Variants in CD69 observed in about 807,000 individuals in gnomAD.
The protein encoded by CD69 is early activation antigen CD69.
CD69 carries 10 observed loss-of-function variants against 21.4 expected under a neutral mutation model. The ratio of observed to expected loss-of-function variants is 0.47; its 90% CI spans 0.29 to 0.79. CD69 has a LOEUF of 0.79. Among genes scored for constraint, CD69 ranks in the 30% least tolerant of loss-of-function variants. CD69 has a pLI of 0.09. For missense variants in CD69, 204 were observed against 236.9 expected, an observed-to-expected ratio of 0.86 and a Z score of 0.91; for synonymous variants, 63 against 78.2, an observed-to-expected ratio of 0.81 and a Z score of 1.03.
chr12:9,753,355 AAGAC>A lies in CD69; in HGVS notation c.*122_*125del. 3.2e-6 allele frequency: 1 copy of A among 315,106 alleles called. No individual in the cohort carries two copies. Among genetic ancestry groups the A allele is most frequent in the Non-Finnish European group, 6.1e-6 (1 of 164,340 alleles). 19.5% of individuals were successfully genotyped at this position (315,106 alleles called of 1,614,324 possible). ...TAGTTCTGTTTGGAAGAAAATTCCCAAGACACTATAAAATTTTTTTTCACAAAGT... is the reference window on the plus strand; with the variant it reads ...TAGTTCTGTTTGGAAGAAAATTCCCAACTATAAAATTTTTTTTCACAAAGT... On this transcript the variant is annotated 3_prime_UTR_variant, in exon 5 of 5. Coordinates refer to ENST00000228434, the MANE Select transcript of CD69 (RefSeq NM_001781.2).
chr12:9,758,961 G>C (rs574555328), intron 1 of CD69, among the ~76,000 whole-genome samples: 10 of 151,494 alleles, frequency 6.6e-5, no homozygotes, highest in African/African-American at 1.9e-4. Context: ...ACGGAGTCTC[G>C]CTCTGTCGTC....
intron 1 of CD69, among the ~76,000 whole-genome samples, chr12:9,759,832 A>G (rs189563927): frequency 4.1e-4 from 62 of 152,342 alleles, no homozygotes; most frequent in Middle Eastern, 3.4e-3. Context: ...AGGGATAAAT[A>G]GAAAAACTCA....
intron 2 of CD69, chr12:9,756,022 C>A: frequency 5.2e-6 from 1 of 193,064 alleles, no homozygotes; most frequent in Non-Finnish European, 1.0e-5. Context: ...CAGCTCCCTT[C>A]ATTCTAGATG....
rs755407345 is a variant in CD69 at position 9,752,843 on chromosome 12, A to T, written c.*638T>A. 6.5e-6 allele frequency: 1 copy of T among 152,744 alleles called. No individual in the cohort carries two copies. Among genetic ancestry groups the T allele is most frequent in the African/African-American group, 2.4e-5 (1 of 41,572 alleles). The allele number at this position is 152,744 out of a possible 1,614,324, so 9.5% of individuals were successfully genotyped here. ...AAAGAAATATGTACCATCGAAAAGG[A>T]CCTGTCTACAGCTGAGGAAGTAAAA... On this transcript the variant is annotated 3_prime_UTR_variant, in exon 5 of 5. Coordinates refer to ENST00000228434, the MANE Select transcript of CD69 (RefSeq NM_001781.2).
chr12:9,758,509 G>A (rs1866700403), intron 1 of CD69, among the ~76,000 whole-genome samples: 1 of 151,982 alleles, frequency 6.6e-6, no homozygotes, highest in South Asian at 2.1e-4. Context: ...TTTTTTCACA[G>A]TAATTTACTG....
At chr12:9,758,927 T>C (rs541928981) in intron 1 of CD69, among the ~76,000 whole-genome samples, 1 of 152,282 alleles carries the variant, frequency 6.6e-6, no homozygotes, top group South Asian at 2.1e-4. Flanking sequence ...TGAGGGCTAC[T>C]GTTTTATTTA....
intron 3 of CD69, 93 bp downstream of exon 3, chr12:9,754,969 G>T: frequency 9.4e-7 from 1 of 1,066,640 alleles, no homozygotes; most frequent in Non-Finnish European, 1.4e-6. Context: ...ATGTTTGTTT[G>T]TTTGTTTGTT....
chr12:9,755,460 T>C (rs894578686), intron 2 of CD69, among the ~76,000 whole-genome samples, 199 bp from the exon 3 acceptor site: 3 of 152,200 alleles, frequency 2.0e-5, no homozygotes, highest in African/African-American at 7.2e-5. Flanking sequence ...CTAATCATCA[T>C]TGGATGGAGA....
Position 9,760,375 on chromosome 12 carries a change from T to A in CD69, c.64+382A>T, listed in dbSNP as rs74062738. 6.5e-3 allele frequency among the ~76,000 whole-genome samples: 990 copies of A among 152,130 alleles called. 12 individuals carry two copies. The highest frequency in any genetic ancestry group is 0.022 in the African/African-American group (930 of 41,508). On this transcript the variant is annotated intron_variant, in intron 1 of 4. Coordinates refer to ENST00000228434, the MANE Select transcript of CD69 (RefSeq NM_001781.2). ...AATGTACAGATGGATATGAAAAAAA[T>A]GATGGAGAATAACTGGGCTAGAGCA...
rs769310469 is a variant in CD69 at position 9,759,090 on chromosome 12, C to T, written c.64+1667G>A. ...GACTACAGGCGCCCGCCCCCACGCC[C>T]GGCTAACTTTTTGTATTTTTAGTAC... On this transcript the variant is annotated intron_variant, in intron 1 of 4. Transcript: ENST00000228434. 2.4e-3 allele frequency among the ~76,000 whole-genome samples: 361 copies of T among 152,060 alleles called. 4 individuals are homozygous for T. Among genetic ancestry groups the T allele is most frequent in the African/African-American group, 8.3e-3 (344 of 41,478 alleles).
intron 3 of CD69, 55 bp from the exon 4 acceptor site, chr12:9,754,745 A>T: frequency 9.0e-7 from 1 of 1,110,998 alleles, no homozygotes; most frequent in African/African-American, 1.5e-5. Flanking sequence ...GGGGAAGTAG[A>T]TAGTAAATCC....
Position 9,756,394 on chromosome 12 carries a change from T to A in CD69, c.90A>T (p.Ser30=). 1 of 1,613,476 alleles carries A rather than the reference T, an allele frequency of 6.2e-7. No individual in the cohort carries two copies. The change falls in exon 2 of 5, where the codon TCA becomes TCT. Residue 30 remains serine, a synonymous_variant. Coordinates refer to ENST00000228434, the MANE Select transcript of CD69 (RefSeq NM_001781.2). ...QENDATSPHF[S]TRHEGSFQVP... ...CTTGGAAGGACCCTTCATGACGTGT[T>A]GAGAAATGGGGACTGGTGGCATCAT... is the stretch of plus-strand genomic sequence containing the variant.
chr12:9,756,077 A>G (rs1011497351), intron 2 of CD69: 1 of 298,080 alleles, frequency 3.4e-6, no homozygotes, highest in East Asian at 5.5e-5. Context: ...TAATATATAA[A>G]TCATAGATAC....
Position 9,756,319 on chromosome 12 carries a change from G to A in CD69, c.165C>T (p.Ile55=), listed in dbSNP as rs61729960. The change falls in exon 2 of 5, where the codon ATC becomes ATT. Residue 55 remains isoleucine (I), a synonymous_variant. Coordinates refer to ENST00000228434, the MANE Select transcript of CD69 (RefSeq NM_001781.2). Reference sequence around the variant, plus strand: ...CACCTGATAAGGCAATGAGAGCTATGATTAAAATGGTGATGAAGACCACAT... The same window carrying A: ...CACCTGATAAGGCAATGAGAGCTATAATTAAAATGGTGATGAAGACCACAT... ...VMNVVFITIL[I]IALIALSVGQ... 9.3e-6 allele frequency: 15 copies of A among 1,613,502 alleles called. No individual in the cohort carries two copies. The highest frequency in any genetic ancestry group is 1.7e-5 in the Admixed American group (1 of 60,000).
At chr12:9,757,212 A>G (rs1158421102) in intron 1 of CD69, among the ~76,000 whole-genome samples, 1 of 152,248 alleles carries the variant, frequency 6.6e-6, no homozygotes, top group Non-Finnish European at 1.5e-5. Flanking sequence ...GAATTGCTAT[A>G]TAAATATCTG....
chr12:9,756,276 AT>A lies in CD69; in HGVS notation c.187+20del. Reference sequence around the variant, plus strand: ...CTTACAGCTAGGAGGCTTTGAAAGAATTGATGAAGTGTAGACCCACCTGATA... The same window carrying A: ...CTTACAGCTAGGAGGCTTTGAAAGAATGATGAAGTGTAGACCCACCTGATA... On this transcript the variant is annotated intron_variant, in intron 2 of 4. Transcript: ENST00000228434. 1 of 1,598,756 alleles carries A rather than the reference AT, an allele frequency of 6.3e-7. No homozygotes were observed. The highest frequency in any genetic ancestry group is 8.5e-7 in the Non-Finnish European group (1 of 1,171,794).
Position 9,755,058 on chromosome 12 carries a change from T to TTA in CD69, c.387+2_387+3dup. On this transcript the variant is annotated splice_donor_region_variant and intron_variant, in intron 3 of 4. Coordinates refer to ENST00000228434, the MANE Select transcript of CD69 (RefSeq NM_001781.2). ...GTAGTATTTTATCTTTTTTTTATTCTTACCATGTCCTTTTCAGAATCAATG... is the reference window on the plus strand; with the variant it reads ...GTAGTATTTTATCTTTTTTTTATTCTTATACCATGTCCTTTTCAGAATCAATG... 6.2e-7 allele frequency: 1 copy of TTA among 1,612,580 alleles called. No individual in the cohort carries two copies. Among genetic ancestry groups the TTA allele is most frequent in the Non-Finnish European group, 8.5e-7 (1 of 1,178,690 alleles).
rs1866727960 is a variant in CD69 at position 9,760,812 on chromosome 12, A to G, written c.9T>C (p.Ser3=). Residue 3 remains serine (S), a synonymous_variant, in exon 1 of 5, where the codon TCT becomes TCC. Transcript: ENST00000228434. MS[S]ENCFVAENSS... The stretch of plus-strand genomic sequence containing the variant: ...TGTTCTCTGCTACGAAACAATTTTC[A>G]GAGCTCATCTTTATTCTCAAGATTC... 1 of 1,611,688 alleles carries G rather than the reference A, an allele frequency of 6.2e-7. No individual in the cohort carries two copies. Among genetic ancestry groups the G allele is most frequent in the Admixed American group, 1.7e-5 (1 of 60,004 alleles).
At chr12:9,760,690 G>T in intron 1 of CD69, 67 bp downstream of exon 1, 1 of 1,115,754 alleles carries the variant, frequency 9.0e-7, no homozygotes, top group Non-Finnish European at 1.4e-6. Context: ...AGTATATCTT[G>T]TATAACTACT....
Sources: gnomAD v4.1 joint callset for allele counts (sites outside exome capture counted in the v4.1 genomes callset) on GRCh38, gnomAD v4.1.1 for gene constraint, MANE v1.5 for transcripts, NCBI Gene and HGNC (gene_info 2026-07-23, HGNC 2026-07-21) for gene names.